Variants in ARHGEF7 observed in about 807,000 individuals in gnomAD.
ARHGEF7 encodes PAK-interacting exchange factor beta.
ARHGEF7 carries 33 observed loss-of-function variants against 109.8 expected under a neutral mutation model. The observed-to-expected ratio is 0.30, with a 90% CI of 0.23 to 0.40. The LOEUF (loss-of-function observed/expected upper bound fraction) is 0.40. ARHGEF7 is among the 10% of genes least tolerant of loss of function. The probability of loss-of-function intolerance (pLI) is 1.00; values close to 1 mark genes in which losing one functional copy is unlikely to be tolerated. For synonymous variants in ARHGEF7, 458 were observed against 424.6 expected (o/e 1.08, Z -0.97); for missense variants, 938 against 1,098.5 (o/e 0.85, Z 2.07).
At chr13:111,167,463 CT>C (rs1594199474) in intron 2 of ARHGEF7, among the ~76,000 whole-genome samples, 1 of 152,280 alleles carries the variant, frequency 6.6e-6, no homozygotes, top group East Asian at 1.9e-4. Flanking sequence ...TATCCTGGCA[CT>C]GTTGTTTCTT....
At chr13:111,225,935 G>A (rs76780958) in intron 5 of ARHGEF7, among the ~76,000 whole-genome samples, 15,633 of 152,234 alleles carry the variant, frequency 0.1, 1,106 homozygotes, top group Middle Eastern at 0.16. Context: ...AGCTAGAAAC[G>A]ATTAACCTTA....
intron 2 of ARHGEF7, among the ~76,000 whole-genome samples, chr13:111,179,903 C>T (rs77315377): frequency 2.0e-5 from 3 of 152,176 alleles, no homozygotes; most frequent in Non-Finnish European, 2.9e-5. Context: ...TAGTGGGCTC[C>T]GTCACTGCTG....
chr13:111,198,056 T>G (rs2080762636), intron 2 of ARHGEF7, among the ~76,000 whole-genome samples: 1 of 152,084 alleles, frequency 6.6e-6, no homozygotes, highest in South Asian at 2.1e-4. Context: ...TCCTCTCTGT[T>G]GACCGTTGGC....
intron 2 of ARHGEF7, among the ~76,000 whole-genome samples, chr13:111,191,205 G>T (rs1367997163): frequency 6.6e-6 from 1 of 152,136 alleles, no homozygotes; most frequent in Non-Finnish European, 1.5e-5. Context: ...GGAGCTGTTT[G>T]GGTGACTTGG....
chr13:111,115,178 G>A (rs1327655391), upstream of ARHGEF7: 1 of 146,708 alleles, frequency 6.8e-6, no homozygotes, highest in South Asian at 2.1e-4. Flanking sequence ...GCACGGCCTG[G>A]AGCGGAGGCT....
chr13:111,229,524 C>T (rs2085729743), intron 5 of ARHGEF7, among the ~76,000 whole-genome samples: 1 of 152,200 alleles, frequency 6.6e-6, no homozygotes, highest in Non-Finnish European at 1.5e-5. Flanking sequence ...CGTATCTCTC[C>T]TGTCATTTTA....
chr13:111,278,240 G>A (rs575393631), intron 13 of ARHGEF7, among the ~76,000 whole-genome samples: 2 of 152,264 alleles, frequency 1.3e-5, no homozygotes, highest in Admixed American at 6.5e-5. Flanking sequence ...TTGCGACAGT[G>A]GTTTATAGTG....
At position 111,233,359 on chromosome 13, in the gene ARHGEF7, G is replaced by A. The variant is rs747358639; in HGVS notation, c.759+66G>A. The stretch of plus-strand genomic sequence containing the variant: ...ACTGCCTGTAAAACTCAGCAATGTA[G>A]AATGTAGTGTAAAGTACCTAGAATA... On this transcript the variant is annotated intron_variant, in intron 6 of 21. Transcript: ENST00000646102. The A allele has an allele frequency of 5.5e-6, 7 of 1,266,660 alleles. No individual in the cohort carries two copies. In the Middle Eastern group the frequency reaches 7.4e-4, roughly 134 times the overall value. 78.5% of individuals were successfully genotyped at this position (1,266,660 alleles called of 1,614,324 possible).
Position 111,292,275 on chromosome 13 carries a change from C to T in ARHGEF7, c.2292C>T (p.Tyr764=). Reference sequence around the variant, plus strand: ...ACAGTATATGGACAGCCCATAGTTACAGAATGGGTTCTACATCTCGTAAGA... The same window carrying T: ...ACAGTATATGGACAGCCCATAGTTATAGAATGGGTTCTACATCTCGTAAGA... ...DYDSIWTAHS[Y]RMGSTSRSRK... The change falls in exon 19 of 22, where the codon TAC becomes TAT. Residue 764 remains tyrosine (Y), a synonymous_variant. Transcript: ENST00000646102. 1 of 1,614,226 alleles carries T rather than the reference C, an allele frequency of 6.2e-7. No individual in the cohort carries two copies. The highest frequency in any genetic ancestry group is 8.5e-7 in the Non-Finnish European group (1 of 1,180,048).
chr13:111,155,701 C>T (rs568567237), intron 2 of ARHGEF7, among the ~76,000 whole-genome samples: 11 of 152,260 alleles, frequency 7.2e-5, no homozygotes, highest in African/African-American at 2.4e-4. Context: ...GTTTTGTTTA[C>T]GTTAACATAC....
At chr13:111,133,150 C>T (rs528374777) in intron 1 of ARHGEF7, among the ~76,000 whole-genome samples, 53 of 151,942 alleles carry the variant, frequency 3.5e-4, no homozygotes, top group Non-Finnish European at 8.8e-5. Context: ...TACACATGTG[C>T]ACGTGTATAT....
In ARHGEF7 at chr13:111,226,408, T is replaced by A. The variant is rs74126762; in HGVS notation, c.671-6797T>A. Among the ~76,000 whole-genome samples the A allele has an allele frequency of 1.9e-3, 290 of 152,358 alleles. 1 individual carries two copies. Among genetic ancestry groups the A allele is most frequent in the African/African-American group, 6.6e-3 (273 of 41,586 alleles). ...CTGACTCTCTGGTCTGGGGTTAATG[T>A]AGCTGGTGACTGAGTTGAAGCCAAT... On this transcript the variant is annotated intron_variant, in intron 5 of 21. Transcript: ENST00000646102.
chr13:111,151,664 G>A lies in ARHGEF7; in HGVS notation c.166-2241G>A, dbSNP rs939904825. On this transcript the variant is annotated intron_variant, in intron 1 of 21. Coordinates refer to ENST00000646102, the MANE Select transcript of ARHGEF7 (RefSeq NM_001354046.2). ...ATTAACATTGAACTCATGGCCAACA[G>A]CACTATAACTCATGCCCGAACAAAG... Among the ~76,000 whole-genome samples, 3 of 152,256 alleles carry A rather than the reference G, an allele frequency of 2.0e-5. No homozygotes were observed. The South Asian group carries it at 6.2e-4, about 32-fold the overall frequency.
rs1033385894 is a variant in ARHGEF7 at position 111,131,898 on chromosome 13, C to T, written c.165+16207C>T. On this transcript the variant is annotated intron_variant, in intron 1 of 21. Transcript: ENST00000646102. This position sits in a 1 kb window ranked among gnomAD's most constrained non-coding sequence, Gnocchi z 4.4. ...GGGGGCTGGGAGGGAGCCTGGCAGT[C>T]GCAGAGGGGAGTGGAAATGTTGGAA... is the stretch of plus-strand genomic sequence containing the variant. Among the ~76,000 whole-genome samples, 3 of 152,062 alleles carry T rather than the reference C, an allele frequency of 2.0e-5. No individual in the cohort carries two copies. Among genetic ancestry groups the T allele is most frequent in the African/African-American group, 7.2e-5 (3 of 41,390 alleles).
chr13:111,203,267 A>G, intron 2 of ARHGEF7: 2 of 405,948 alleles, frequency 4.9e-6, no homozygotes, highest in South Asian at 5.9e-5. Context: ...ATGAAGAGAA[A>G]TTTTATGTTT....
intron 16 of ARHGEF7, 52 bp downstream of exon 16, chr13:111,283,415 G>T (rs1270105738): frequency 9.8e-6 from 15 of 1,523,948 alleles, no homozygotes; most frequent in Non-Finnish European, 1.3e-5. Context: ...CATGCCTCGG[G>T]CCCTGGGTGT....
At chr13:111,163,247 A>G (rs2076882455) in intron 2 of ARHGEF7, among the ~76,000 whole-genome samples, 1 of 152,256 alleles carries the variant, frequency 6.6e-6, no homozygotes, top group Admixed American at 6.5e-5. Flanking sequence ...GACAGTTTCC[A>G]TTCAGATACT....
intron 2 of ARHGEF7, among the ~76,000 whole-genome samples, chr13:111,175,410 C>CT (rs1227141810): frequency 6.6e-6 from 1 of 152,238 alleles, no homozygotes; most frequent in Non-Finnish European, 1.5e-5. Flanking sequence ...GACTCAAAGC[C>CT]TGGGAGCACC....
At chr13:111,220,261 T>C (rs1403974201) in intron 5 of ARHGEF7, among the ~76,000 whole-genome samples, 1 of 152,212 alleles carries the variant, frequency 6.6e-6, no homozygotes, top group Non-Finnish European at 1.5e-5. Flanking sequence ...TTGCTCACCT[T>C]TGCCAAGGAG....
Sources: gnomAD v4.1 joint callset for allele counts (sites outside exome capture counted in the v4.1 genomes callset) on GRCh38, gnomAD v4.1.1 for gene constraint, Gnocchi (gnomAD v3.1) non-coding constraint, MANE v1.5 for transcripts, NCBI Gene and HGNC (gene_info 2026-07-23, HGNC 2026-07-21) for gene names.